The following GSAP variants were observed in gnomAD, a reference collection of about 807,000 sequenced individuals.
GSAP encodes the protein gamma-secretase activating protein.
In GSAP, 118 loss-of-function variants were observed where a neutral mutation model predicts 131.7. The observed-to-expected ratio is 0.90, with a 90% CI of 0.77 to 1.04. The LOEUF (loss-of-function observed/expected upper bound fraction) is 1.04, where lower values mean the gene tolerates loss of function less well. Among genes scored for constraint, GSAP ranks in the 50% least tolerant of loss-of-function variants. The probability of loss-of-function intolerance (pLI) is 0.00; values close to 1 mark genes in which losing one functional copy is unlikely to be tolerated. For missense variants in GSAP, 1,019 were observed against 1,013.2 expected (o/e 1.01, Z -0.08); for synonymous variants, 381 against 363.4 (o/e 1.05, Z -0.55).
chr7:77,361,464 CAA>C (rs763884489), intron 13 of GSAP, among the ~76,000 whole-genome samples: 1 of 152,140 alleles, frequency 6.6e-6, no homozygotes, highest in Non-Finnish European at 1.5e-5. Flanking sequence ...ACAAAAATCT[CAA>C]ACTTATACAA....
At chr7:77,326,325 G>A (rs1244549125) in intron 22 of GSAP, 52 bp from the exon 23 acceptor site, 1 of 1,228,646 alleles carries the variant, frequency 8.1e-7, no homozygotes, top group Non-Finnish European at 1.2e-6. Flanking sequence ...CAGGAGATGG[G>A]TTAGAAGGAA....
intron 11 of GSAP, 69 bp from the exon 12 acceptor site, chr7:77,374,224 T>A: frequency 1.3e-6 from 1 of 770,728 alleles, no homozygotes; most frequent in Non-Finnish European, 2.2e-6. Flanking sequence ...AGGATGTGAG[T>A]AACCACTAAA....
intron 28 of GSAP, 86 bp from the exon 29 acceptor site, chr7:77,312,288 T>C: frequency 1.5e-6 from 1 of 665,774 alleles, no homozygotes. Context: ...ATTTTAAAAG[T>C]ATTATTCCAA....
chr7:77,330,289 A>G lies in GSAP; in HGVS notation c.1624T>C (p.Tyr542His). Residue 542 changes from tyrosine to histidine, a missense_variant, in exon 20 of 31, where the codon TAT becomes CAT. Coordinates refer to ENST00000257626, the MANE Select transcript of GSAP (RefSeq NM_017439.4). ...YVKYAKPHFH[Y>H]NNSVVRREWH... ...TCTCTCCTGACCACACTGTTGTTAT[A>G]GTGGAAGTGTGGCTTGGCGTACTTA... 1 of 1,613,878 alleles carries G rather than the reference A, an allele frequency of 6.2e-7. No homozygotes were observed. Among genetic ancestry groups the G allele is most frequent in the Non-Finnish European group, 8.5e-7 (1 of 1,179,810 alleles).
At chr7:77,342,848 A>G (rs1024828719) in intron 19 of GSAP, among the ~76,000 whole-genome samples, 7 of 152,142 alleles carry the variant, frequency 4.6e-5, no homozygotes, top group South Asian at 2.1e-4. Context: ...CTTATCAACC[A>G]AATTGTTTTG....
At chr7:77,409,355 C>T (rs1802867798) in intron 1 of GSAP, among the ~76,000 whole-genome samples, 1 of 152,090 alleles carries the variant, frequency 6.6e-6, no homozygotes. Flanking sequence ...TAGGCCTTCA[C>T]AATTTAGAGA....
At chr7:77,392,846 G>A (rs1389697628) in intron 5 of GSAP, among the ~76,000 whole-genome samples, 2 of 152,154 alleles carry the variant, frequency 1.3e-5, no homozygotes, top group Non-Finnish European at 2.9e-5. Context: ...CTATGATGGT[G>A]AGAGGGAGTT....
intron 3 of GSAP, among the ~76,000 whole-genome samples, chr7:77,399,414 ATTCACTTATC>A (rs1470505386): frequency 6.6e-6 from 1 of 152,198 alleles, no homozygotes; most frequent in Non-Finnish European, 1.5e-5. Context: ...AACCCAGTGA[ATTCACTTATC>A]ACCAAACCCA....
In GSAP at chr7:77,377,167, T is replaced by C. The variant is rs949183336; in HGVS notation, c.681+119A>G. ...AGGAGTTCAAGGCTGCAGTGAGCTA[T>C]GATCACACCACTGCACTCCAGCCTC... On this transcript the variant is annotated intron_variant, in intron 9 of 30. Transcript: ENST00000257626. 20 of 1,127,454 alleles carry C rather than the reference T, an allele frequency of 1.8e-5. No individual in the cohort carries two copies. In the African/African-American group the frequency reaches 3.1e-4, roughly 17 times the overall value. The allele number at this position is 1,127,454 out of a possible 1,614,324, so 69.8% of individuals were successfully genotyped here.
intron 19 of GSAP, among the ~76,000 whole-genome samples, chr7:77,334,719 C>CA (rs1274724559): frequency 6.6e-6 from 1 of 151,792 alleles, no homozygotes; most frequent in African/African-American, 2.4e-5. Flanking sequence ...CACAACTGCC[C>CA]AGGAAGCCCA....
At chr7:77,406,561 G>A (rs991033220) in intron 1 of GSAP, among the ~76,000 whole-genome samples, 1 of 152,174 alleles carries the variant, frequency 6.6e-6, no homozygotes, top group Admixed American at 6.5e-5. Flanking sequence ...AGGTGTCTGA[G>A]TACTCAATTA....
chr7:77,395,433 T>A (rs1800207556), intron 5 of GSAP, among the ~76,000 whole-genome samples: 1 of 152,154 alleles, frequency 6.6e-6, no homozygotes, highest in African/African-American at 2.4e-5. Context: ...AACACTAATG[T>A]CCCAGATCGT....
In GSAP at chr7:77,388,108, A is replaced by G. The variant is rs1483428935; in HGVS notation, c.368-660T>C. 3.3e-5 allele frequency among the ~76,000 whole-genome samples: 5 copies of G among 152,382 alleles called. No individual in the cohort carries two copies. In the South Asian group the frequency reaches 1.0e-3, roughly 32 times the overall value. ...GGTGATTTTCTTAAAGTTTGACTTT[A>G]AAGTTTGACTTTGACATTTCTACAA... On this transcript the variant is annotated intron_variant, in intron 5 of 30. Coordinates refer to ENST00000257626, the MANE Select transcript of GSAP (RefSeq NM_017439.4).
intron 3 of GSAP, among the ~76,000 whole-genome samples, chr7:77,398,854 T>C (rs905315494): frequency 6.6e-6 from 1 of 152,190 alleles, no homozygotes; most frequent in African/African-American, 2.4e-5. Context: ...GTTTATAAAT[T>C]TTCTATATTT....
chr7:77,328,862 C>A lies in GSAP; in HGVS notation c.1734-225G>T, dbSNP rs189460503. 2.4e-3 allele frequency among the ~76,000 whole-genome samples: 369 copies of A among 152,134 alleles called. 3 individuals are homozygous for A. The highest frequency in any genetic ancestry group is 0.01 in the Middle Eastern group (3 of 294). ...TGCCAACAACGGCAATAATTTAGAACAACTGTAGCTCTCAGTTATTGAAAA... is the reference window on the plus strand; with the variant it reads ...TGCCAACAACGGCAATAATTTAGAAAAACTGTAGCTCTCAGTTATTGAAAA... On this transcript the variant is annotated intron_variant, in intron 21 of 30. Coordinates refer to ENST00000257626, the MANE Select transcript of GSAP (RefSeq NM_017439.4).
chr7:77,379,797 T>C (rs1443314217), intron 8 of GSAP: 5 of 878,852 alleles, frequency 5.7e-6, no homozygotes, highest in Non-Finnish European at 6.8e-6. Context: ...TGTTCTCCCA[T>C]CTACTTAGCC....
At chr7:77,379,938 G>C in intron 8 of GSAP, 7 of 925,044 alleles carry the variant, frequency 7.6e-6, no homozygotes, top group Non-Finnish European at 9.0e-6. Flanking sequence ...GTTTCAATTT[G>C]TTCACTTAAC....
intron 19 of GSAP, among the ~76,000 whole-genome samples, chr7:77,338,559 A>C (rs11771461): frequency 0.12 from 18,002 of 152,124 alleles, 1,306 homozygotes; most frequent in African/African-American, 0.2. Flanking sequence ...GAGTGCCCAA[A>C]ATCAGGGTGT....
intron 26 of GSAP, chr7:77,315,777 CATATT>C (rs1267308055): frequency 6.6e-6 from 1 of 152,132 alleles, no homozygotes. Context: ...GGGTTGGAAT[CATATT>C]AGAGGAGAGA....
Sources: allele counts gnomAD v4.1 joint callset (sites outside exome capture counted in the v4.1 genomes callset), GRCh38; gene constraint gnomAD v4.1.1; transcripts MANE v1.5; gene names NCBI Gene and HGNC (gene_info 2026-07-23, HGNC 2026-07-21).